SLC24A2: variants seen among roughly 807,000 people sequenced by gnomAD.
The protein encoded by SLC24A2 is solute carrier family 24 member 2.
Under a neutral mutation model 62.0 loss-of-function variants are expected in SLC24A2, and 36 were observed. The observed-to-expected ratio is 0.58, with a 90% CI of 0.44 to 0.77. SLC24A2 has a LOEUF of 0.77. Ranked by LOEUF, SLC24A2 falls within the 30% of genes least tolerant of loss-of-function variation. The probability of loss-of-function intolerance (pLI) is 0.00; values close to 1 mark genes in which losing one functional copy is unlikely to be tolerated. For missense variants in SLC24A2, 846 were observed against 817.9 expected (o/e 1.03, Z -0.42); for synonymous variants, 358 against 294.0 (o/e 1.22, Z -2.23).
intron 8 of SLC24A2, among the ~76,000 whole-genome samples, 173 bp from the exon 9 acceptor site, chr9:19,528,311 C>T (rs1026869360): frequency 5.9e-5 from 9 of 152,186 alleles, no homozygotes; most frequent in Admixed American, 1.3e-4. Flanking sequence ...CAGTAAGATT[C>T]TCCCTTGGAG....
At chr9:19,561,581 C>G (rs769215370) in intron 7 of SLC24A2, among the ~76,000 whole-genome samples, 8 of 150,998 alleles carry the variant, frequency 5.3e-5, no homozygotes, top group Non-Finnish European at 1.2e-4. Context: ...ACTACAGGTG[C>G]GTGCCACCAC....
At position 19,508,253 on chromosome 9, in the gene SLC24A2, C is replaced by T. The variant is rs1056981659; in HGVS notation, c.*7900G>A. On this transcript the variant is annotated 3_prime_UTR_variant, in exon 11 of 11. Transcript: ENST00000341998. Reference sequence around the variant, plus strand: ...TAGCGCAATTCAGTAACTGAGGCTCCCTCTTCCGAATAGAGTCTCAGCCCT... The same window carrying T: ...TAGCGCAATTCAGTAACTGAGGCTCTCTCTTCCGAATAGAGTCTCAGCCCT... 1.3e-5 allele frequency: 2 copies of T among 152,058 alleles called. No homozygotes were observed. Among genetic ancestry groups the T allele is most frequent in the Non-Finnish European group, 2.9e-5 (2 of 68,024 alleles). The allele number at this position is 152,058 out of a possible 1,614,324, so 9.4% of individuals were successfully genotyped here. A position where few individuals can be genotyped will look rare whatever the true frequency, so the allele number is the denominator to read the frequency against.
At chr9:20,270,265 A>G in the SLC24A2 span, among the ~76,000 whole-genome samples, 1 of 152,172 alleles carries the variant, frequency 6.6e-6, no homozygotes. Context: ...TTCAGCATGC[A>G]TTTTGGTGGG....
At chr9:20,128,978 A>T in the SLC24A2 span, among the ~76,000 whole-genome samples, 1 of 152,138 alleles carries the variant, frequency 6.6e-6, no homozygotes, top group Admixed American at 6.6e-5. Flanking sequence ...GCATCGATGG[A>T]TACTATAAAG....
the SLC24A2 span, among the ~76,000 whole-genome samples, chr9:20,133,598 A>G: frequency 1.3e-5 from 2 of 152,188 alleles, no homozygotes. Context: ...ATAACAAACA[A>G]GAAAGATTAA....
the SLC24A2 span, among the ~76,000 whole-genome samples, chr9:19,938,196 C>G: frequency 6.6e-6 from 1 of 152,046 alleles, no homozygotes; most frequent in Non-Finnish European, 1.5e-5. Flanking sequence ...GTCTGTATAA[C>G]CCATCATTTT....
chr9:19,710,920 T>C (rs1820697245), intron 2 of SLC24A2, among the ~76,000 whole-genome samples: 1 of 152,196 alleles, frequency 6.6e-6, no homozygotes, highest in East Asian at 1.9e-4. Flanking sequence ...GGTGATTAAC[T>C]GGAAGTTGGG....
In SLC24A2 at chr9:19,640,378, C is replaced by T. The variant is rs1587079830; in HGVS notation, c.931-18079G>A. Among the ~76,000 whole-genome samples the T allele has an allele frequency of 2.6e-5, 4 of 152,310 alleles. No homozygotes were observed. In the South Asian group the frequency reaches 6.2e-4, roughly 24 times the overall value. ...TCTCTCTGTACTGCTATAAAAAACA[C>T]CTTCATATTACTTGGGTTTATTTTA... On this transcript the variant is annotated intron_variant, in intron 2 of 10. Coordinates refer to ENST00000341998, the MANE Select transcript of SLC24A2 (RefSeq NM_020344.4).
the SLC24A2 span, among the ~76,000 whole-genome samples, chr9:20,203,860 G>T: frequency 6.6e-6 from 1 of 152,144 alleles, no homozygotes; most frequent in Admixed American, 6.5e-5. Context: ...CATATCAGCA[G>T]ACCCATAATG....
intron 4 of SLC24A2, among the ~76,000 whole-genome samples, chr9:19,606,977 G>C (rs1563994538): frequency 6.6e-6 from 1 of 152,192 alleles, no homozygotes; most frequent in Non-Finnish European, 1.5e-5. Context: ...AGATGGAAGA[G>C]TCAACTAGAA....
At chr9:19,766,119 T>C (rs1224266174) in intron 2 of SLC24A2, among the ~76,000 whole-genome samples, 1 of 152,230 alleles carries the variant, frequency 6.6e-6, no homozygotes, top group Non-Finnish European at 1.5e-5. Flanking sequence ...CTTCACAAAG[T>C]TCTTGTGCTG....
chr9:20,264,166 A>C, the SLC24A2 span, among the ~76,000 whole-genome samples: 1 of 152,164 alleles, frequency 6.6e-6, no homozygotes, highest in South Asian at 2.1e-4. Context: ...GAGCAAGGAC[A>C]CTAAAGGAAC....
chr9:19,931,991 T>A, the SLC24A2 span, among the ~76,000 whole-genome samples: 1 of 152,120 alleles, frequency 6.6e-6, no homozygotes, highest in East Asian at 1.9e-4. Flanking sequence ...TTAGTTTTGT[T>A]AATTTAAAAA....
the SLC24A2 span, among the ~76,000 whole-genome samples, chr9:20,057,003 T>C: frequency 3.9e-4 from 60 of 152,344 alleles, 1 homozygote; most frequent in African/African-American, 1.4e-3. Flanking sequence ...CCTAAAGCAT[T>C]AATTTTATTT....
chr9:20,281,827 G>A, the SLC24A2 span, among the ~76,000 whole-genome samples: 1 of 152,098 alleles, frequency 6.6e-6, no homozygotes, highest in African/African-American at 2.4e-5. Flanking sequence ...ATAATCTGGG[G>A]AAAATTGATA....
intron 1 of SLC24A2, 37 bp downstream of exon 1, chr9:19,788,848 C>A (rs1036257069): frequency 3.0e-6 from 3 of 985,342 alleles, no homozygotes; most frequent in Non-Finnish European, 3.6e-6. Flanking sequence ...GCCACAGCGG[C>A]TACAGCGGCA....
the SLC24A2 span, among the ~76,000 whole-genome samples, chr9:20,124,177 G>T: frequency 6.6e-6 from 1 of 151,856 alleles, no homozygotes; most frequent in African/African-American, 2.4e-5. Flanking sequence ...ATAACTATAC[G>T]ATTCCTCCCA....
chr9:19,781,463 T>C (rs550615011), intron 2 of SLC24A2, among the ~76,000 whole-genome samples: 1 of 152,174 alleles, frequency 6.6e-6, no homozygotes, highest in Non-Finnish European at 1.5e-5. Context: ...GAAACCAGAA[T>C]AGCAAGGGAA....
chr9:19,876,000 G>C, the SLC24A2 span, among the ~76,000 whole-genome samples: 6 of 152,150 alleles, frequency 3.9e-5, no homozygotes, highest in Non-Finnish European at 7.3e-5. Context: ...AGAGTTAGTA[G>C]AATACCAACA....
Sources: gnomAD v4.1 joint callset for allele counts (sites outside exome capture counted in the v4.1 genomes callset) on GRCh38, gnomAD v4.1.1 for gene constraint, MANE v1.5 for transcripts, NCBI Gene and HGNC (gene_info 2026-07-23, HGNC 2026-07-21) for gene names.